IGSF9: variants seen among roughly 807,000 people sequenced by gnomAD.
The protein encoded by IGSF9 is immunoglobulin superfamily member 9, also known as protein turtle homolog A.
Under a neutral mutation model 121.7 loss-of-function variants are expected in IGSF9, and 87 were observed. The ratio of observed to expected loss-of-function variants is 0.71; its 90% CI spans 0.60 to 0.85. The LOEUF is 0.85. IGSF9 is among the 40% of genes least tolerant of loss of function. The probability of loss-of-function intolerance (pLI) is 0.00; values close to 1 mark genes in which losing one functional copy is unlikely to be tolerated. For missense variants in IGSF9, 1,462 were observed against 1,565.3 expected, an observed-to-expected ratio of 0.93 and a Z score of 1.11; for synonymous variants, 640 against 648.4, an observed-to-expected ratio of 0.99 and a Z score of 0.20.
At chr1:159,930,461 G>C (rs1383035562) in intron 14 of IGSF9, 22 bp from the exon 15 acceptor site, 1 of 1,522,484 alleles carries the variant, frequency 6.6e-7, no homozygotes, top group Non-Finnish European at 8.8e-7. Flanking sequence ...AGAAAGGCAG[G>C]TCAGAGCAAG....
Position 159,929,661 on chromosome 1 carries a change from C to T in IGSF9, c.2303G>A (p.Arg768His), listed in dbSNP as rs1557930756. The T allele has an allele frequency of 2.9e-5, 46 of 1,593,718 alleles. No homozygotes were observed. The highest frequency in any genetic ancestry group is 3.8e-5 in the Non-Finnish European group (45 of 1,171,828). Reference sequence around the variant, plus strand: ...ACCTTGGCGGAGGCGCTTGCGGCGGCGGCGGGCAGCCCTGCGCCGGTTCAG... The same window carrying T: ...ACCTTGGCGGAGGCGCTTGCGGCGGTGGCGGGCAGCCCTGCGCCGGTTCAG... ...CLLNRRRAARRRRKRLRQDPP... is the reference protein window; with the variant it reads ...CLLNRRRAARHRRKRLRQDPP... The change falls in exon 17 of 21, where the codon CGC (arginine) becomes CAC (histidine). Residue 768 changes from arginine to histidine, a missense_variant. By Grantham distance (29) the Arg-to-His change is conservative (BLOSUM62 0). Transcript: ENST00000368094.
Position 159,942,947 on chromosome 1 carries a change from T to G in IGSF9, c.247+16A>C. The G allele has an allele frequency of 4.4e-6, 7 of 1,607,370 alleles. No homozygotes were observed. The South Asian group carries it at 7.8e-5, about 18-fold the overall frequency. ...TGCTGATACCTCCCTACCTCCCACCTGAGGAGAACTCTTACCCACGTAATC... is the reference window on the plus strand; with the variant it reads ...TGCTGATACCTCCCTACCTCCCACCGGAGGAGAACTCTTACCCACGTAATC... On this transcript the variant is annotated intron_variant, in intron 3 of 20. Coordinates refer to ENST00000368094, the MANE Select transcript of IGSF9 (RefSeq NM_001135050.2).
chr1:159,937,666 C>G lies in IGSF9; in HGVS notation c.400+20G>C. 6.2e-7 allele frequency: 1 copy of G among 1,605,280 alleles called. No homozygotes were observed. Among genetic ancestry groups the G allele is most frequent in the Non-Finnish European group, 8.5e-7 (1 of 1,172,474 alleles). On this transcript the variant is annotated intron_variant, in intron 4 of 20. Transcript: ENST00000368094. ...TCCTCCTCCCCGTCCTTCTCCACCA[C>G]CTGCCCCCCAGCTTCATACAATTGA...
At chr1:159,930,635 T>C (rs1650960954) in intron 14 of IGSF9, 57 bp downstream of exon 14, 1 of 1,606,004 alleles carries the variant, frequency 6.2e-7, no homozygotes, top group South Asian at 1.1e-5. Flanking sequence ...ATCCCAGCTC[T>C]CCCAGCAGCC....
At chr1:159,940,490 A>C (rs1571220700) in intron 3 of IGSF9, among the ~76,000 whole-genome samples, 1 of 152,220 alleles carries the variant, frequency 6.6e-6, no homozygotes, top group Non-Finnish European at 1.5e-5. Flanking sequence ...AGATCTTCCC[A>C]TATGCAGCGG....
Position 159,936,502 on chromosome 1 carries a change from C to T in IGSF9, c.570G>A (p.Thr190=), listed in dbSNP as rs1455490715. The T allele has an allele frequency of 4.3e-6, 7 of 1,613,972 alleles. No individual in the cohort carries two copies. Among genetic ancestry groups the T allele is most frequent in the South Asian group, 2.2e-5 (2 of 91,068 alleles). The change falls in exon 6 of 21, where the codon ACG becomes ACA. Residue 190 remains threonine, a synonymous_variant. Transcript: ENST00000368094. ...GQGQVQVQNG[T]LRIRRVERGS... ...CTCGCTCTACCCGGCGGATCCGCAG[C>T]GTCCCGTTCTGCACCTAGGGAAGGA...
chr1:159,934,843 G>T (rs1651132441), intron 6 of IGSF9, 21 bp from the exon 7 acceptor site: 1 of 1,613,580 alleles, frequency 6.2e-7, no homozygotes, highest in Admixed American at 1.7e-5. Context: ...CACAAGGGGA[G>T]GAAGGTGGCC....
At chr1:159,938,255 C>T (rs4262538) in intron 3 of IGSF9, among the ~76,000 whole-genome samples, 14,996 of 152,108 alleles carry the variant, frequency 0.099, 1,499 homozygotes, top group African/African-American at 0.25. Context: ...TGATAGAGGA[C>T]TGTTTCCCTG....
chr1:159,927,934 T>G, intron 19 of IGSF9, 47 bp from the exon 20 acceptor site: 1 of 1,589,498 alleles, frequency 6.3e-7, no homozygotes, highest in Non-Finnish European at 8.6e-7. Flanking sequence ...GGTGGAGGAA[T>G]AGAGGCTGTT....
At position 159,928,859 on chromosome 1, in the gene IGSF9, C is replaced by G. The variant is rs750041441; in HGVS notation, c.2529G>C (p.Glu843Asp). Residue 843 changes from glutamate (E) to aspartate (D), a missense_variant, in exon 19 of 21, where the codon GAG becomes GAC. By Grantham distance (45) the Glu-to-Asp change is conservative (BLOSUM62 2). Coordinates refer to ENST00000368094, the MANE Select transcript of IGSF9 (RefSeq NM_001135050.2). ...GCCCGTCTGGGCCCCGGCAAATGGGCTCCAGAGGTAAGGGTCCCCGGCTAG... is the reference window on the plus strand; with the variant it reads ...GCCCGTCTGGGCCCCGGCAAATGGGGTCCAGAGGTAAGGGTCCCCGGCTAG... ...PPSSRGPLPL[E>D]PICRGPDGRF... 1.9e-6 allele frequency: 3 copies of G among 1,582,970 alleles called. No individual in the cohort carries two copies. In the South Asian group the frequency reaches 3.5e-5, roughly 18 times the overall value.
chr1:159,928,111 G>T, intron 19 of IGSF9, 47 bp downstream of exon 19: 1 of 1,585,746 alleles, frequency 6.3e-7, no homozygotes, highest in Middle Eastern at 1.7e-4. Context: ...TGAGAGGTCT[G>T]GGGTGGGACT....
chr1:159,931,409 C>T lies in IGSF9; in HGVS notation c.1513+44G>A. The T allele has an allele frequency of 6.2e-7, 1 of 1,602,458 alleles. No homozygotes were observed. The highest frequency in any genetic ancestry group is 8.5e-7 in the Non-Finnish European group (1 of 1,171,960). On this transcript the variant is annotated intron_variant, in intron 12 of 20. Transcript: ENST00000368094. This position sits in a 1 kb window ranked among gnomAD's most constrained non-coding sequence, Gnocchi z 4.8. The stretch of plus-strand genomic sequence containing the variant: ...TTTCTGGGCCTCCAAAAACGATTCC[C>T]AAGTAGTTTCTCCCAGCCCCTGGCC...
chr1:159,944,098 C>A (rs929632179), intron 1 of IGSF9, among the ~76,000 whole-genome samples: 6 of 152,162 alleles, frequency 3.9e-5, no homozygotes, highest in Admixed American at 6.5e-5. Context: ...GTCGCCTTCA[C>A]CCCTCTGTGA....
At chr1:159,937,072 C>T (rs1659853866) in intron 4 of IGSF9, among the ~76,000 whole-genome samples, 164 bp from the exon 5 acceptor site, 1 of 152,208 alleles carries the variant, frequency 6.6e-6, no homozygotes, top group African/African-American at 2.4e-5. Flanking sequence ...GCACCCAGGC[C>T]AAATGAGGAT....
intron 9 of IGSF9, 180 bp downstream of exon 9, chr1:159,934,010 A>G (rs1418599780): frequency 2.9e-6 from 2 of 691,734 alleles, no homozygotes; most frequent in South Asian, 2.0e-5. Flanking sequence ...AACCATGGAA[A>G]TTTTTCCTCA....
intron 3 of IGSF9, among the ~76,000 whole-genome samples, chr1:159,939,731 C>G (rs998284601): frequency 6.6e-6 from 1 of 152,168 alleles, no homozygotes. Flanking sequence ...TTGAGGCAGG[C>G]TTTGTGATCT....
chr1:159,943,559 ACTCTT>A lies in IGSF9; in HGVS notation c.-110_-106del. ...GCTCAGGGAACAGGTTTCAGCTCTC[ACTCTT>A]CTGTACAGTGAGGGCTTGGCTCATG... On this transcript the variant is annotated 5_prime_UTR_variant, in exon 2 of 21. An upstream open reading frame in the 5' UTR gains an earlier in-frame stop. Coordinates refer to ENST00000368094, the MANE Select transcript of IGSF9 (RefSeq NM_001135050.2). The A allele has an allele frequency of 3.7e-6, 4 of 1,076,936 alleles. No individual in the cohort carries two copies. Among genetic ancestry groups the A allele is most frequent in the Non-Finnish European group, 5.1e-6 (4 of 779,220 alleles). 66.7% of individuals were successfully genotyped at this position (1,076,936 alleles called of 1,614,324 possible). A position where few individuals can be genotyped will look rare whatever the true frequency, so the allele number is the denominator to read the frequency against.
Position 159,928,846 on chromosome 1 carries a change from C to A in IGSF9, c.2542G>T (p.Gly848Cys). The A allele has an allele frequency of 6.4e-7, 1 of 1,565,048 alleles. No homozygotes were observed. Reference sequence around the variant, plus strand: ...CCCATCACAAAGCGCCCGTCTGGGCCCCGGCAAATGGGCTCCAGAGGTAAG... The same window carrying A: ...CCCATCACAAAGCGCCCGTCTGGGCACCGGCAAATGGGCTCCAGAGGTAAG... ...GPLPLEPICR[G>C]PDGRFVMGPT... The change falls in exon 19 of 21, where the codon GGC (glycine) becomes TGC (cysteine). Residue 848 changes from glycine to cysteine, a missense_variant. By Grantham distance (159) the Gly-to-Cys change is radical (BLOSUM62 -3). Coordinates refer to ENST00000368094, the MANE Select transcript of IGSF9 (RefSeq NM_001135050.2).
chr1:159,943,320 A>T, intron 2 of IGSF9, 77 bp downstream of exon 2: 1 of 1,416,756 alleles, frequency 7.1e-7, no homozygotes, highest in Non-Finnish European at 9.4e-7. Context: ...ACATGCTCAA[A>T]GAGGAACCCT....
Sources: allele counts gnomAD v4.1 joint callset (sites outside exome capture counted in the v4.1 genomes callset), GRCh38; gene constraint gnomAD v4.1.1; non-coding constraint Gnocchi (gnomAD v3.1); transcripts MANE v1.5; gene names NCBI Gene and HGNC (gene_info 2026-07-23, HGNC 2026-07-21).